EEFSEC: variants seen among roughly 807,000 people sequenced by gnomAD.
The protein encoded by EEFSEC is selenocysteine-specific elongation factor.
A neutral mutation model predicts 42.1 loss-of-function variants in EEFSEC; 43 were observed. That is an observed-to-expected ratio of 1.02 (90% CI 0.80 to 1.32). The LOEUF is 1.32. Ranked by LOEUF, EEFSEC falls within the 40% of genes most tolerant of loss-of-function variation. The probability of loss-of-function intolerance (pLI) is 0.00; values close to 1 mark genes in which losing one functional copy is unlikely to be tolerated. For synonymous variants in EEFSEC, 354 were observed against 339.1 expected (o/e 1.04, Z -0.48); for missense variants, 745 against 803.6 (o/e 0.93, Z 0.88).
intron 1 of EEFSEC, among the ~76,000 whole-genome samples, chr3:128,245,470 G>C (rs2066117554): frequency 6.6e-6 from 1 of 152,208 alleles, no homozygotes; most frequent in Non-Finnish European, 1.5e-5. Flanking sequence ...GCCTAGCCCT[G>C]TGGCCCCAGC....
chr3:128,280,883 A>C (rs1267361988), intron 4 of EEFSEC, among the ~76,000 whole-genome samples: 3 of 147,410 alleles, frequency 2.0e-5, no homozygotes, highest in African/African-American at 2.5e-5. Flanking sequence ...TCCCCTCCAC[A>C]CTCCCCTCCT....
intron 4 of EEFSEC, among the ~76,000 whole-genome samples, chr3:128,270,553 A>C (rs1357681783): frequency 6.6e-6 from 1 of 152,224 alleles, no homozygotes; most frequent in Non-Finnish European, 1.5e-5. Flanking sequence ...CAGAAAGGGA[A>C]AAGAAAACCT....
chr3:128,195,005 A>C (rs2065569048), intron 1 of EEFSEC, among the ~76,000 whole-genome samples: 1 of 152,100 alleles, frequency 6.6e-6, no homozygotes, highest in Non-Finnish European at 1.5e-5. Context: ...TCCTTCTTGG[A>C]GCTGGTCAGC....
chr3:128,211,228 A>C (rs2065752919), intron 1 of EEFSEC, among the ~76,000 whole-genome samples: 1 of 152,128 alleles, frequency 6.6e-6, no homozygotes, highest in African/African-American at 2.4e-5. Flanking sequence ...TCTCACCTCT[A>C]CAGAAATGTA....
At chr3:128,222,914 G>C (rs2065874967) in intron 1 of EEFSEC, among the ~76,000 whole-genome samples, 1 of 152,204 alleles carries the variant, frequency 6.6e-6, no homozygotes, top group African/African-American at 2.4e-5. Context: ...ACTCATGGTG[G>C]GCCCTTGGGG....
At chr3:128,370,243 C>T (rs532752489) in intron 6 of EEFSEC, among the ~76,000 whole-genome samples, 4 of 152,130 alleles carry the variant, frequency 2.6e-5, no homozygotes, top group Non-Finnish European at 5.9e-5. Flanking sequence ...GTGTCCTATC[C>T]GGATGTCTGC....
chr3:128,400,836 C>T (rs2068040552), intron 6 of EEFSEC, among the ~76,000 whole-genome samples: 1 of 152,236 alleles, frequency 6.6e-6, no homozygotes, highest in Non-Finnish European at 1.5e-5. Flanking sequence ...TTACCCCAGC[C>T]CAAGCCAGGA....
chr3:128,332,088 A>G (rs72977317), intron 4 of EEFSEC, among the ~76,000 whole-genome samples: 2 of 152,340 alleles, frequency 1.3e-5, no homozygotes, highest in South Asian at 2.1e-4. Flanking sequence ...TACAGCTGTC[A>G]AAAAAGAATA....
At chr3:128,292,262 A>G (rs2066651931) in intron 4 of EEFSEC, among the ~76,000 whole-genome samples, 2 of 152,020 alleles carry the variant, frequency 1.3e-5, no homozygotes, top group African/African-American at 4.8e-5. Context: ...TTTATGAGGT[A>G]TATTGCTCTT....
intron 1 of EEFSEC, among the ~76,000 whole-genome samples, chr3:128,220,751 C>T (rs1451924908): frequency 1.3e-5 from 2 of 152,194 alleles, no homozygotes. Flanking sequence ...CGAGAAAGGG[C>T]CAACCTCCCG....
chr3:128,425,532 T>A, the EEFSEC span, among the ~76,000 whole-genome samples: 47 of 152,380 alleles, frequency 3.1e-4, no homozygotes, highest in African/African-American at 1.1e-3. Context: ...GTGGAAGGTC[T>A]GTGTTGTGTG....
At chr3:128,413,744 AG>A in the EEFSEC span, among the ~76,000 whole-genome samples, 1 of 152,166 alleles carries the variant, frequency 6.6e-6, no homozygotes, top group Non-Finnish European at 1.5e-5. Flanking sequence ...GCACGGTGCC[AG>A]GCCTCACCCC....
At chr3:128,297,696 G>A (rs1223474453) in intron 4 of EEFSEC, among the ~76,000 whole-genome samples, 2 of 152,152 alleles carry the variant, frequency 1.3e-5, no homozygotes, top group Non-Finnish European at 2.9e-5. Context: ...GGCTCCAGTT[G>A]CATGCCTTGT....
At chr3:128,217,513 G>A (rs1326594136) in intron 1 of EEFSEC, among the ~76,000 whole-genome samples, 1 of 152,176 alleles carries the variant, frequency 6.6e-6, no homozygotes, top group Admixed American at 6.5e-5. Flanking sequence ...TTAAGGACCC[G>A]TGACCCTTTA....
At chr3:128,399,720 G>T (rs2068026888) in intron 6 of EEFSEC, among the ~76,000 whole-genome samples, 1 of 151,822 alleles carries the variant, frequency 6.6e-6, no homozygotes, top group South Asian at 2.1e-4. Flanking sequence ...TGTCAGGGCT[G>T]TCCCCTCTCA....
chr3:128,418,878 T>C, the EEFSEC span, among the ~76,000 whole-genome samples: 1 of 152,192 alleles, frequency 6.6e-6, no homozygotes, highest in Non-Finnish European at 1.5e-5. Context: ...TCTCTGGACC[T>C]CTGCCTCTGC....
At chr3:128,384,557 C>T (rs2067815242) in intron 6 of EEFSEC, among the ~76,000 whole-genome samples, 1 of 152,220 alleles carries the variant, frequency 6.6e-6, no homozygotes, top group Non-Finnish European at 1.5e-5. Context: ...TCTCTCCCAG[C>T]ATTCCCACAT....
intron 1 of EEFSEC, among the ~76,000 whole-genome samples, chr3:128,244,304 G>C (rs542733035): frequency 6.6e-6 from 1 of 152,300 alleles, no homozygotes; most frequent in South Asian, 2.1e-4. Flanking sequence ...GGGAAGGCTT[G>C]GGCTCAGCTT....
intron 4 of EEFSEC, among the ~76,000 whole-genome samples, chr3:128,328,090 CCCTGTGGCTAGGA>C (rs1341685387): frequency 6.6e-6 from 1 of 152,220 alleles, no homozygotes; most frequent in Admixed American, 6.5e-5. Flanking sequence ...TTCACAGAAT[CCCTGTGGCTAGGA>C]CCTGGTACCC....
Sources: allele counts gnomAD v4.1 joint callset (sites outside exome capture counted in the v4.1 genomes callset), GRCh38; gene constraint gnomAD v4.1.1; transcripts MANE v1.5; gene names NCBI Gene and HGNC (gene_info 2026-07-23, HGNC 2026-07-21).